PDE4D: variants seen among roughly 807,000 people sequenced by gnomAD.
The protein encoded by PDE4D is phosphodiesterase 4D.
A neutral mutation model predicts 87.4 loss-of-function variants in PDE4D; 24 were observed. The ratio of observed to expected loss-of-function variants is 0.27; its 90% CI spans 0.20 to 0.39. PDE4D has a LOEUF of 0.39. PDE4D is among the 10% of genes least tolerant of loss of function. The pLI, the probability that PDE4D is intolerant of heterozygous loss-of-function variation, is 1.00. For missense variants in PDE4D, 714 were observed against 1,041.0 expected (o/e 0.69, Z 4.32); for synonymous variants, 384 against 383.2 (o/e 1.00, Z -0.02).
rs532734664 is a variant in PDE4D, at chr5:59,120,082, A to G, written c.808+60513T>C. ...TCCTGGCCTTAAGTGATCCTCCTAC[A>G]TCGGCCTCCCGAAGCACCAGGATTA... On this transcript the variant is annotated intron_variant, in intron 5 of 14. Coordinates refer to ENST00000340635, the MANE Select transcript of PDE4D (RefSeq NM_001104631.2). 8.5e-4 allele frequency among the ~76,000 whole-genome samples: 129 copies of G among 152,252 alleles called. 3 individuals are homozygous for G. The South Asian group carries it at 0.016, about 19-fold the overall frequency.
At chr5:59,135,734 CAG>C (rs1580994029) in intron 5 of PDE4D, among the ~76,000 whole-genome samples, 1 of 151,020 alleles carries the variant, frequency 6.6e-6, no homozygotes, top group Non-Finnish European at 1.5e-5. Flanking sequence ...TTGAACAAAA[CAG>C]AAAAACCACT....
chr5:59,935,936 T>C (rs1026140910), intron 3 of PDE4D, among the ~76,000 whole-genome samples: 2 of 152,232 alleles, frequency 1.3e-5, no homozygotes, highest in South Asian at 2.1e-4. Context: ...TGTGTCTTTA[T>C]AGCAGCATGT....
chr5:60,314,758 T>G (rs888283745), intron 1 of PDE4D, among the ~76,000 whole-genome samples: 1 of 152,106 alleles, frequency 6.6e-6, no homozygotes, highest in East Asian at 1.9e-4. Flanking sequence ...GTCTTTGTGA[T>G]AGTTTGCTGA....
intron 1 of PDE4D, among the ~76,000 whole-genome samples, chr5:59,383,357 C>G (rs1431930773): frequency 1.3e-5 from 2 of 152,122 alleles, no homozygotes; most frequent in African/African-American, 2.4e-5. Context: ...TATTTGCATT[C>G]CCTGCCCATT....
At chr5:60,142,579 G>A (rs1267348492) in intron 2 of PDE4D, among the ~76,000 whole-genome samples, 3 of 152,182 alleles carry the variant, frequency 2.0e-5, no homozygotes, top group Non-Finnish European at 4.4e-5. Flanking sequence ...ACCAGCATGA[G>A]CCAGGGTTCT....
chr5:59,288,425 AAAAG>A (rs1264513787), intron 1 of PDE4D, among the ~76,000 whole-genome samples: 2 of 151,958 alleles, frequency 1.3e-5, no homozygotes, highest in South Asian at 2.1e-4. Context: ...AAAATAATAA[AAAAG>A]AAAGAGGCAT....
At position 58,969,401 on chromosome 5, in the gene PDE4D, T is replaced by C. The variant is rs1440209859; in HGVS notation, c.*5263A>G. 1.3e-5 allele frequency: 2 copies of C among 152,264 alleles called. No individual in the cohort carries two copies. Among genetic ancestry groups the C allele is most frequent in the African/African-American group, 4.8e-5 (2 of 41,456 alleles). 9.4% of individuals were successfully genotyped at this position (152,264 alleles called of 1,614,324 possible). A position where few individuals can be genotyped will look rare whatever the true frequency, so the allele number is the denominator to read the frequency against. Reference sequence around the variant, plus strand: ...TACTCTCTCACTTTTCCTCAGTTTCTCCAGATGTCTCAAGCTCATTTATGC... The same window carrying C: ...TACTCTCTCACTTTTCCTCAGTTTCCCCAGATGTCTCAAGCTCATTTATGC... On this transcript the variant is annotated 3_prime_UTR_variant, in exon 15 of 15. Coordinates refer to ENST00000340635, the MANE Select transcript of PDE4D (RefSeq NM_001104631.2).
chr5:60,489,017 C>T (rs966645644), upstream of PDE4D, among the ~76,000 whole-genome samples: 3 of 152,154 alleles, frequency 2.0e-5, no homozygotes, highest in East Asian at 1.9e-4. Context: ...TTACTTGTTA[C>T]ACCATACTTC....
At chr5:59,412,800 C>T (rs1422967916) in intron 1 of PDE4D, among the ~76,000 whole-genome samples, 5 of 152,182 alleles carry the variant, frequency 3.3e-5, no homozygotes, top group Non-Finnish European at 5.9e-5. Flanking sequence ...TTTGGTCTAA[C>T]ATGAGACTAC....
chr5:60,213,949 T>C (rs1743550978), intron 1 of PDE4D, among the ~76,000 whole-genome samples: 1 of 152,200 alleles, frequency 6.6e-6, no homozygotes, highest in South Asian at 2.1e-4. Flanking sequence ...TTCACTATAA[T>C]TGAAATTAAT....
At chr5:59,565,934 T>C (rs1031644507) in intron 1 of PDE4D, among the ~76,000 whole-genome samples, 10 of 151,964 alleles carry the variant, frequency 6.6e-5, no homozygotes, top group African/African-American at 1.9e-4. Flanking sequence ...GAAGCAAAAC[T>C]TAAAAGAGAC....
rs78311473 is a variant in PDE4D at position 60,251,275 on chromosome 5, TG to T, written c.-89-65589del. The stretch of plus-strand genomic sequence containing the variant: ...TTGTTATATAAGTAGACTCATGTCA[TG>T]GGGGTTTGGTGTACAGATTATTTCA... On this transcript the variant is annotated intron_variant, in intron 1 of 16. Coordinates refer to the PDE4D transcript ENST00000502484. Among the ~76,000 whole-genome samples, 20 of 151,848 alleles carry T rather than the reference TG, an allele frequency of 1.3e-4. No individual in the cohort carries two copies. In the East Asian group the frequency reaches 3.7e-3, roughly 28 times the overall value.
At chr5:60,229,682 A>G (rs543103976) in intron 1 of PDE4D, among the ~76,000 whole-genome samples, 1 of 152,232 alleles carries the variant, frequency 6.6e-6, no homozygotes, top group African/African-American at 2.4e-5. Context: ...TGATATGTTC[A>G]TGTCCTAGAT....
chr5:59,111,346 G>T lies in PDE4D; in HGVS notation c.808+69249C>A, dbSNP rs140341160. ...TTCCAAGCTATGACTATGCAAGCAT[G>T]ATCCTGGAATTGCAGAATGGTCAAC... On this transcript the variant is annotated intron_variant, in intron 5 of 14. Coordinates refer to ENST00000340635, the MANE Select transcript of PDE4D (RefSeq NM_001104631.2). 2.0e-5 allele frequency among the ~76,000 whole-genome samples: 3 copies of T among 152,234 alleles called. 1 individual carries two copies. In the East Asian group the frequency reaches 5.8e-4, roughly 29 times the overall value.
intron 5 of PDE4D, among the ~76,000 whole-genome samples, chr5:59,172,149 TTATA>T (rs1360861485): frequency 1.0e-5 from 1 of 98,756 alleles, no homozygotes; most frequent in Non-Finnish European, 1.8e-5. Context: ...ATATATAATA[TTATA>T]TATATTTATA....
At chr5:60,000,197 T>C (rs1400288471) in intron 2 of PDE4D, among the ~76,000 whole-genome samples, 1 of 151,958 alleles carries the variant, frequency 6.6e-6, no homozygotes, top group East Asian at 1.9e-4. Context: ...GCTAGATACT[T>C]GCCAAATCTG....
At chr5:59,837,439 G>C (rs543982139) in intron 1 of PDE4D, among the ~76,000 whole-genome samples, 2 of 152,136 alleles carry the variant, frequency 1.3e-5, no homozygotes, top group East Asian at 3.9e-4. Context: ...ATATGTCTAG[G>C]TGTTCAGTCT....
intron 1 of PDE4D, among the ~76,000 whole-genome samples, chr5:59,849,632 T>C (rs1744381864): frequency 6.9e-6 from 1 of 145,240 alleles, no homozygotes; most frequent in Admixed American, 6.9e-5. Context: ...CATCAGTGAG[T>C]TTTTTTTTTT....
intron 1 of PDE4D, among the ~76,000 whole-genome samples, chr5:60,232,246 A>C (rs1270635274): frequency 6.6e-6 from 1 of 151,970 alleles, no homozygotes; most frequent in Non-Finnish European, 1.5e-5. Context: ...AAATGCTTTA[A>C]AACAGCAGCA....
Sources: allele counts gnomAD v4.1 joint callset (sites outside exome capture counted in the v4.1 genomes callset), GRCh38; gene constraint gnomAD v4.1.1; transcripts MANE v1.5; gene names NCBI Gene and HGNC (gene_info 2026-07-23, HGNC 2026-07-21).